ADGRB1: variants seen among roughly 807,000 people sequenced by gnomAD.
ADGRB1 encodes the protein brain-specific angiogenesis inhibitor 1.
A neutral mutation model predicts 175.7 loss-of-function variants in ADGRB1; 36 were observed. That is an observed-to-expected ratio of 0.20 (90% CI 0.16 to 0.27). The LOEUF (loss-of-function observed/expected upper bound fraction) is 0.27, where lower values mean the gene tolerates loss of function less well. ADGRB1 is among the 10% of genes least tolerant of loss of function. The probability of loss-of-function intolerance (pLI) is 1.00; values close to 1 mark genes in which losing one functional copy is unlikely to be tolerated. For missense variants in ADGRB1, 1,731 were observed against 2,255.3 expected, an observed-to-expected ratio of 0.77 and a Z score of 4.71; for synonymous variants, 1,054 against 979.4, an observed-to-expected ratio of 1.08 and a Z score of -1.42.
chr8:142,530,866 C>T (rs561339027), intron 24 of ADGRB1, among the ~76,000 whole-genome samples: 1 of 152,348 alleles, frequency 6.6e-6, no homozygotes, highest in East Asian at 1.9e-4. Flanking sequence ...CTGGGCACTC[C>T]TGGCCTCCCC....
In ADGRB1 at chr8:142,539,601, C is replaced by G; in HGVS notation, c.3706+188C>G. The G allele has an allele frequency of 8.8e-6, 6 of 678,060 alleles. No homozygotes were observed. In the South Asian group the frequency reaches 1.1e-4, roughly 13 times the overall value. 42.0% of individuals were successfully genotyped at this position (678,060 alleles called of 1,614,324 possible). On this transcript the variant is annotated intron_variant, in intron 27 of 30. Transcript: ENST00000517894. ...TGCCCTGGGGGCCCAGCCTTCCACC[C>G]CCGTCCACTTCCTGAGGCCGAAGGA...
At chr8:142,462,356 A>G (rs1840015547) in intron 1 of ADGRB1, among the ~76,000 whole-genome samples, 1 of 152,098 alleles carries the variant, frequency 6.6e-6, no homozygotes, top group Non-Finnish European at 1.5e-5. Context: ...CCAGCTCTTA[A>G]TCTCTTGTTG....
chr8:142,490,418 G>A (rs531512099), intron 16 of ADGRB1, among the ~76,000 whole-genome samples: 3 of 152,294 alleles, frequency 2.0e-5, no homozygotes, highest in Admixed American at 1.3e-4. Context: ...CTGTGTGCCC[G>A]GTGACCCCTG....
In ADGRB1 at chr8:142,539,597, C is replaced by T. The variant is rs58651872; in HGVS notation, c.3706+184C>T. 265 of 682,294 alleles carry T rather than the reference C, an allele frequency of 3.9e-4. No homozygotes were observed. The African/African-American group carries it at 4.2e-3, about 11-fold the overall frequency. The allele number at this position is 682,294 out of a possible 1,614,324, so 42.3% of individuals were successfully genotyped here. ...GACCTGCCCTGGGGGCCCAGCCTTC[C>T]ACCCCCGTCCACTTCCTGAGGCCGA... On this transcript the variant is annotated intron_variant, in intron 27 of 30. Coordinates refer to ENST00000517894, the MANE Select transcript of ADGRB1 (RefSeq NM_001702.3).
chr8:142,513,600 T>C (rs1441947408), intron 18 of ADGRB1, among the ~76,000 whole-genome samples: 1 of 152,046 alleles, frequency 6.6e-6, no homozygotes, highest in African/African-American at 2.4e-5. Flanking sequence ...GGCAGATGTG[T>C]GCACACAGAG....
At chr8:142,483,134 ATG>A (rs1841453785) in intron 11 of ADGRB1, among the ~76,000 whole-genome samples, 1 of 148,036 alleles carries the variant, frequency 6.8e-6, no homozygotes, top group Admixed American at 6.7e-5. Flanking sequence ...CCTTGGTCAC[ATG>A]CTGAACCCTG....
chr8:142,478,143 G>T (rs1470235158), intron 6 of ADGRB1, 44 bp from the exon 7 acceptor site: 1 of 1,565,612 alleles, frequency 6.4e-7, no homozygotes, highest in South Asian at 1.2e-5. Flanking sequence ...AGGCATTGGG[G>T]TGCCGGGTGT....
At chr8:142,469,845 A>C (rs552586954) in intron 2 of ADGRB1, among the ~76,000 whole-genome samples, 1 of 152,314 alleles carries the variant, frequency 6.6e-6, no homozygotes, top group Non-Finnish European at 1.5e-5. Flanking sequence ...GCAGGTGACC[A>C]TTCAGAAGAC....
intron 2 of ADGRB1, among the ~76,000 whole-genome samples, chr8:142,469,229 G>A (rs1840459058): frequency 1.3e-5 from 2 of 152,098 alleles, no homozygotes; most frequent in South Asian, 2.1e-4. Flanking sequence ...ATCTGTGAAT[G>A]TGAATGTGTG....
At chr8:142,475,213 C>T (rs1004908724) in intron 2 of ADGRB1, among the ~76,000 whole-genome samples, 5 of 152,186 alleles carry the variant, frequency 3.3e-5, no homozygotes, top group African/African-American at 9.6e-5. Flanking sequence ...GTCATCCCTT[C>T]ATCATCCTGG....
intron 5 of ADGRB1, 49 bp from the exon 6 acceptor site, chr8:142,477,336 G>C (rs1216363947): frequency 1.3e-6 from 2 of 1,590,042 alleles, no homozygotes; most frequent in Non-Finnish European, 1.7e-6. Flanking sequence ...GGCCAGGGCA[G>C]CGGGGGCGGT....
chr8:142,529,034 G>T (rs79395480), intron 24 of ADGRB1, among the ~76,000 whole-genome samples: 16,519 of 152,280 alleles, frequency 0.11, 1,132 homozygotes, highest in Admixed American at 0.22. Context: ...CCCTGGTGCT[G>T]CTGGCACGGA....
intron 7 of ADGRB1, 138 bp from the exon 8 acceptor site, chr8:142,479,185 G>T: frequency 1.0e-6 from 1 of 970,214 alleles, no homozygotes; most frequent in Non-Finnish European, 1.4e-6. Flanking sequence ...TTGACCTCCT[G>T]CCCCACATTC....
chr8:142,487,141 T>G (rs569951019), intron 13 of ADGRB1, among the ~76,000 whole-genome samples: 1 of 152,306 alleles, frequency 6.6e-6, no homozygotes, highest in East Asian at 1.9e-4. Context: ...ATGAAATATT[T>G]CAAAGTTTGC....
chr8:142,532,435 C>T (rs1177743618), intron 24 of ADGRB1, among the ~76,000 whole-genome samples: 1 of 152,190 alleles, frequency 6.6e-6, no homozygotes, highest in Non-Finnish European at 1.5e-5. Flanking sequence ...GGGGCGAGGG[C>T]TGCTGTGAGG....
rs368919768 is a variant in ADGRB1 at position 142,486,237 on chromosome 8, G to T, written c.2308+1473G>T. 1.4e-4 allele frequency among the ~76,000 whole-genome samples: 21 copies of T among 152,270 alleles called. No homozygotes were observed. The East Asian group carries it at 2.3e-3, about 17-fold the overall frequency. On this transcript the variant is annotated intron_variant, in intron 13 of 30. Transcript: ENST00000517894. ...TCCCTCACTCAGCTGCCAAGAACTG[G>T]ACGCCAGCAAGAGCGGCTTCCCATC...
chr8:142,485,520 G>A (rs1218624122), intron 13 of ADGRB1, among the ~76,000 whole-genome samples: 1 of 152,192 alleles, frequency 6.6e-6, no homozygotes, highest in Non-Finnish European at 1.5e-5. Context: ...GTGAGACCCT[G>A]TCTCTACAAA....
intron 18 of ADGRB1, among the ~76,000 whole-genome samples, chr8:142,517,363 G>A (rs1271899728): frequency 1.3e-5 from 2 of 152,184 alleles, no homozygotes; most frequent in East Asian, 3.9e-4. Flanking sequence ...GCACCCGGAT[G>A]ACACCCCAGC....
At chr8:142,480,037 C>T (rs895360593) in intron 9 of ADGRB1, among the ~76,000 whole-genome samples, 5 of 152,210 alleles carry the variant, frequency 3.3e-5, no homozygotes, top group East Asian at 1.9e-4. Context: ...AAGATGTCCA[C>T]GGAGTCTAAG....
Sources: gnomAD v4.1 joint callset for allele counts (sites outside exome capture counted in the v4.1 genomes callset) on GRCh38, gnomAD v4.1.1 for gene constraint, MANE v1.5 for transcripts, NCBI Gene and HGNC (gene_info 2026-07-23, HGNC 2026-07-21) for gene names.